Variants in CNTN5 observed in about 807,000 individuals in gnomAD.
CNTN5 encodes the protein contactin-5.
CNTN5 carries 77 observed loss-of-function variants against 129.1 expected under a neutral mutation model. The observed-to-expected ratio is 0.60, with a 90% CI of 0.50 to 0.72. The LOEUF (loss-of-function observed/expected upper bound fraction) is 0.72. CNTN5 is among the 30% of genes least tolerant of loss of function. The pLI is 0.00. For synonymous variants in CNTN5, 509 were observed against 465.6 expected (o/e 1.09, Z -1.20); for missense variants, 1,478 against 1,328.8 (o/e 1.11, Z -1.75).
intron 13 of CNTN5, among the ~76,000 whole-genome samples, chr11:100,143,394 A>G (rs896780162): frequency 2.0e-5 from 3 of 152,142 alleles, no homozygotes; most frequent in Non-Finnish European, 2.9e-5. Context: ...GGATCTTCCT[A>G]CTAGTCAACT....
chr11:99,259,186 T>A (rs1862517484), intron 1 of CNTN5, among the ~76,000 whole-genome samples: 1 of 151,942 alleles, frequency 6.6e-6, no homozygotes, highest in Admixed American at 6.6e-5. Context: ...GCACAAATTA[T>A]GTATCCATTT....
At chr11:99,878,647 A>G (rs1948693983) in intron 6 of CNTN5, among the ~76,000 whole-genome samples, 1 of 152,084 alleles carries the variant, frequency 6.6e-6, no homozygotes, top group African/African-American at 2.4e-5. Context: ...CACGAGGTCA[A>G]GAGATTGAGA....
chr11:99,358,155 C>G (rs1206882454), intron 2 of CNTN5, among the ~76,000 whole-genome samples: 3 of 138,618 alleles, frequency 2.2e-5, no homozygotes, highest in African/African-American at 7.8e-5. Flanking sequence ...GTGGCGCGAT[C>G]TCGGCTCACT....
At chr11:99,826,321 TC>T (rs1946956333) in intron 4 of CNTN5, among the ~76,000 whole-genome samples, 2 of 152,212 alleles carry the variant, frequency 1.3e-5, no homozygotes, top group Admixed American at 6.5e-5. Context: ...TCAGTCACTT[TC>T]CCTGGGAATA....
chr11:99,180,452 A>C (rs949301409), intron 1 of CNTN5, among the ~76,000 whole-genome samples: 3 of 152,152 alleles, frequency 2.0e-5, no homozygotes, highest in African/African-American at 7.2e-5. Context: ...AGGTCCAGTC[A>C]AGAGGGCTCT....
Position 99,433,450 on chromosome 11 carries a change from T to C in CNTN5, c.-71+107966T>C, listed in dbSNP as rs1371700055. Among the ~76,000 whole-genome samples the C allele has an allele frequency of 2.6e-5, 4 of 151,978 alleles. No individual in the cohort carries two copies. In the South Asian group the frequency reaches 8.3e-4, roughly 32 times the overall value. On this transcript the variant is annotated intron_variant, in intron 2 of 24. Transcript: ENST00000524871. ...ATGTTATAGTTAAACTTTTAGGTTT[T>C]ATTTTTATGATAAACATATCAGTTA...
intron 2 of CNTN5, among the ~76,000 whole-genome samples, chr11:99,455,205 A>G (rs1020561225): frequency 2.0e-5 from 3 of 152,148 alleles, no homozygotes; most frequent in Non-Finnish European, 4.4e-5. Context: ...TGAACTAAAT[A>G]TGATCTTAAA....
chr11:99,631,717 G>GAC (rs71949031), intron 3 of CNTN5, among the ~76,000 whole-genome samples: 1 of 151,158 alleles, frequency 6.6e-6, no homozygotes, highest in Non-Finnish European at 1.5e-5. Context: ...CACACACAAA[G>GAC]ACACACACAT....
chr11:100,018,349 A>G (rs1274825926), intron 9 of CNTN5, among the ~76,000 whole-genome samples: 3 of 151,958 alleles, frequency 2.0e-5, no homozygotes, highest in African/African-American at 2.4e-5. Flanking sequence ...CTGATCCTGT[A>G]TGTTTTGTCA....
intron 6 of CNTN5, among the ~76,000 whole-genome samples, chr11:99,852,495 G>A (rs1947903616): frequency 6.6e-6 from 1 of 152,240 alleles, no homozygotes; most frequent in African/African-American, 2.4e-5. Context: ...TACTTTTAAA[G>A]CAAATTATGA....
intron 2 of CNTN5, among the ~76,000 whole-genome samples, chr11:99,326,676 A>T (rs1865798593): frequency 6.6e-6 from 1 of 152,158 alleles, no homozygotes; most frequent in African/African-American, 2.4e-5. Flanking sequence ...TTTTGATTGC[A>T]GGCCCTAACT....
rs994601133 is a variant in CNTN5 at position 99,042,177 on chromosome 11, TA to T, written c.-210+20908del. 5.3e-5 allele frequency among the ~76,000 whole-genome samples: 8 copies of T among 152,138 alleles called. No homozygotes were observed. In the East Asian group the frequency reaches 1.5e-3, roughly 29 times the overall value. ...CCTTCCACAGCATACCTCCCTTCTT[TA>T]TTTTTTTAGGAGAACATTTTATTTA... On this transcript the variant is annotated intron_variant, in intron 1 of 24. Coordinates refer to ENST00000524871, the MANE Select transcript of CNTN5 (RefSeq NM_014361.4).
chr11:99,266,841 T>C (rs1862924227), intron 1 of CNTN5, among the ~76,000 whole-genome samples: 3 of 151,920 alleles, frequency 2.0e-5, no homozygotes, highest in African/African-American at 2.4e-5. Flanking sequence ...GAGAAGCCAT[T>C]TTCAGCAGAG....
At chr11:99,228,268 G>C (rs1860797239) in intron 1 of CNTN5, among the ~76,000 whole-genome samples, 1 of 152,122 alleles carries the variant, frequency 6.6e-6, no homozygotes, top group African/African-American at 2.4e-5. Flanking sequence ...TATGCAGGTA[G>C]AGAGTGGATG....
chr11:99,239,870 G>A (rs1168167979), intron 1 of CNTN5, among the ~76,000 whole-genome samples: 1 of 151,098 alleles, frequency 6.6e-6, no homozygotes, highest in East Asian at 1.9e-4. Context: ...CCGGGAGGCG[G>A]AGCTTGCAGT....
Position 100,308,388 on chromosome 11 carries a change from G to A in CNTN5, c.2650G>A (p.Ala884Thr), listed in dbSNP as rs754113581. 2 of 1,610,814 alleles carry A rather than the reference G, an allele frequency of 1.2e-6. No individual in the cohort carries two copies. The highest frequency in any genetic ancestry group is 2.2e-5 in the East Asian group (1 of 44,800). ...CAGTGCTGCTCCCACAGATGTCAAG[G>A]CGACAAGTGTGTCTGTGTCAGAGAT... ...EPSAAPTDVK[A>T]TSVSVSEILV... Residue 884 changes from alanine (A) to threonine (T), a missense_variant, in exon 21 of 25, where the codon GCG (alanine) becomes ACG (threonine). Transcript: ENST00000524871.
chr11:99,526,922 T>G (rs1230887914), intron 2 of CNTN5, among the ~76,000 whole-genome samples: 2 of 151,988 alleles, frequency 1.3e-5, no homozygotes, highest in Admixed American at 6.6e-5. Context: ...GAGAGAAACC[T>G]TTACACCATT....
intron 3 of CNTN5, among the ~76,000 whole-genome samples, chr11:99,776,153 G>C (rs1945115741): frequency 6.9e-6 from 1 of 143,944 alleles, no homozygotes; most frequent in Non-Finnish European, 1.5e-5. Flanking sequence ...CTAGCATAAT[G>C]AATGAGAAGA....
At chr11:99,243,237 G>A (rs1038120393) in intron 1 of CNTN5, among the ~76,000 whole-genome samples, 2 of 152,054 alleles carry the variant, frequency 1.3e-5, no homozygotes, top group Non-Finnish European at 2.9e-5. Flanking sequence ...TAGTGATATG[G>A]AACATTTTTT....
Sources: gnomAD v4.1 joint callset for allele counts (sites outside exome capture counted in the v4.1 genomes callset) on GRCh38, gnomAD v4.1.1 for gene constraint, MANE v1.5 for transcripts, NCBI Gene and HGNC (gene_info 2026-07-23, HGNC 2026-07-21) for gene names.